FHIT: variants seen among roughly 807,000 people sequenced by gnomAD.
The protein encoded by FHIT is bis(5'-adenosyl)-triphosphatase.
Under a neutral mutation model 17.9 loss-of-function variants are expected in FHIT, and 19 were observed. The observed-to-expected ratio is 1.06, with a 90% CI of 0.74 to 1.56. The LOEUF is 1.56. FHIT is among the 40% of genes most tolerant of loss of function. The probability of loss-of-function intolerance (pLI) is 0.00; values close to 1 mark genes in which losing one functional copy is unlikely to be tolerated. For synonymous variants in FHIT, 81 were observed against 69.7 expected, an observed-to-expected ratio of 1.16 and a Z score of -0.81; for missense variants, 248 against 189.2, an observed-to-expected ratio of 1.31 and a Z score of -1.82.
At chr3:59,854,415 A>G (rs539209960) in intron 8 of FHIT, among the ~76,000 whole-genome samples, 1 of 152,330 alleles carries the variant, frequency 6.6e-6, no homozygotes, top group South Asian at 2.1e-4. Context: ...AAAGAGGTCA[A>G]GTTTCCCATC....
intron 2 of FHIT, among the ~76,000 whole-genome samples, chr3:61,059,854 G>A (rs1321774687): frequency 6.6e-6 from 1 of 152,212 alleles, no homozygotes; most frequent in Non-Finnish European, 1.5e-5. Context: ...TGGGGCCCCT[G>A]TCTATGTAGG....
At chr3:60,312,922 A>C (rs1709009526) in intron 5 of FHIT, among the ~76,000 whole-genome samples, 1 of 152,220 alleles carries the variant, frequency 6.6e-6, no homozygotes, top group Non-Finnish European at 1.5e-5. Context: ...GATGGTAATA[A>C]GAGCGCTGGT....
At chr3:60,187,321 G>A (rs1333515828) in intron 5 of FHIT, among the ~76,000 whole-genome samples, 2 of 152,158 alleles carry the variant, frequency 1.3e-5, no homozygotes, top group Admixed American at 6.6e-5. Flanking sequence ...GTTACCACAC[G>A]TAATACAGAA....
chr3:60,331,848 G>GA (rs34970290), intron 5 of FHIT, among the ~76,000 whole-genome samples: 60,057 of 140,784 alleles, frequency 0.43, 13,154 homozygotes, highest in South Asian at 0.63. Flanking sequence ...CTCTGTCTCG[G>GA]AAAAAAAAAA....
At chr3:60,232,438 G>A (rs1310965269) in intron 5 of FHIT, among the ~76,000 whole-genome samples, 2 of 152,070 alleles carry the variant, frequency 1.3e-5, no homozygotes, top group African/African-American at 4.8e-5. Context: ...GGGAAGTCTT[G>A]GTAAGTACAG....
At chr3:59,993,080 C>T (rs1194670789) in intron 7 of FHIT, among the ~76,000 whole-genome samples, 3 of 152,104 alleles carry the variant, frequency 2.0e-5, no homozygotes, top group Non-Finnish European at 2.9e-5. Context: ...TAGGCCATCT[C>T]CCTTTTCTCT....
In FHIT at chr3:60,631,409, CACTA is replaced by C. The variant is rs1339952944; in HGVS notation, c.-17-94434_-17-94431del. On this transcript the variant is annotated intron_variant, in intron 4 of 9. Transcript: ENST00000492590. ...TCTTTCCAGCACCTGAGCATTGTTTCACTAACTATTATTCTGATTTACATCTAGG... is the reference window on the plus strand; with the variant it reads ...TCTTTCCAGCACCTGAGCATTGTTTCACTATTATTCTGATTTACATCTAGG... Among the ~76,000 whole-genome samples the C allele has an allele frequency of 5.3e-5, 8 of 152,148 alleles. No individual in the cohort carries two copies. In the East Asian group the frequency reaches 9.6e-4, roughly 18 times the overall value.
intron 4 of FHIT, among the ~76,000 whole-genome samples, chr3:60,548,007 G>A (rs759383524): frequency 1.3e-5 from 2 of 151,984 alleles, no homozygotes; most frequent in Non-Finnish European, 2.9e-5. Context: ...AATCTCTTTT[G>A]GTATTGCCAA....
intron 8 of FHIT, among the ~76,000 whole-genome samples, chr3:59,819,349 C>G (rs141007458): frequency 2.2e-4 from 33 of 152,286 alleles, no homozygotes; most frequent in African/African-American, 7.9e-4. Flanking sequence ...CCCACAAATT[C>G]CTGATCTTAG....
chr3:60,929,148 T>C (rs1423645569), intron 3 of FHIT, among the ~76,000 whole-genome samples: 7 of 152,158 alleles, frequency 4.6e-5, no homozygotes, highest in African/African-American at 1.7e-4. Flanking sequence ...GAAAAGACCT[T>C]TGACAAAATT....
intron 3 of FHIT, among the ~76,000 whole-genome samples, chr3:60,871,765 C>T (rs1260520452): frequency 1.3e-5 from 2 of 152,082 alleles, no homozygotes; most frequent in Non-Finnish European, 2.9e-5. Context: ...TCCTGAGTAG[C>T]TAGAACTATA....
intron 5 of FHIT, among the ~76,000 whole-genome samples, chr3:60,378,202 A>G (rs1028607807): frequency 6.6e-6 from 1 of 151,278 alleles, no homozygotes; most frequent in Middle Eastern, 3.2e-3. Flanking sequence ...AATTTTTTGT[A>G]TTTTTAGTAG....
intron 4 of FHIT, among the ~76,000 whole-genome samples, chr3:60,592,201 C>G (rs1308898194): frequency 6.8e-6 from 1 of 146,656 alleles, no homozygotes; most frequent in Non-Finnish European, 1.5e-5. Flanking sequence ...TATATATTCT[C>G]TATATGTAAC....
chr3:60,443,177 A>AGAC (rs2031045924), intron 5 of FHIT, among the ~76,000 whole-genome samples: 2 of 152,184 alleles, frequency 1.3e-5, no homozygotes, highest in South Asian at 4.1e-4. Flanking sequence ...TTTTGGGCTG[A>AGAC]GACGATGGGG....
intron 3 of FHIT, among the ~76,000 whole-genome samples, chr3:60,842,645 A>ATTTT (rs1170383044): frequency 7.7e-4 from 73 of 94,536 alleles, no homozygotes; most frequent in African/African-American, 2.9e-3. Flanking sequence ...ATATATATAT[A>ATTTT]TTTTTTTTTT....
intron 5 of FHIT, among the ~76,000 whole-genome samples, chr3:60,461,203 T>C (rs889132305): frequency 8.9e-4 from 136 of 152,338 alleles, no homozygotes; most frequent in African/African-American, 3.1e-3. Context: ...TTATTAAATA[T>C]GTTATTCAGT....
chr3:60,587,369 AAG>A (rs1174163197), intron 4 of FHIT, among the ~76,000 whole-genome samples: 3 of 151,958 alleles, frequency 2.0e-5, no homozygotes, highest in African/African-American at 7.2e-5. Context: ...GGAGCAAGGG[AAG>A]AGAGAGCATT....
intron 5 of FHIT, among the ~76,000 whole-genome samples, chr3:60,258,286 A>G (rs1375367881): frequency 6.6e-6 from 1 of 152,124 alleles, no homozygotes; most frequent in African/African-American, 2.4e-5. Flanking sequence ...GCTCCCAGAA[A>G]ACCAGAATTA....
At chr3:60,276,221 C>T (rs950506200) in intron 5 of FHIT, among the ~76,000 whole-genome samples, 8 of 152,058 alleles carry the variant, frequency 5.3e-5, no homozygotes, top group Non-Finnish European at 7.4e-5. Flanking sequence ...CTCCTGACCT[C>T]GTGATCCGCC....
Sources: allele counts gnomAD v4.1 joint callset (sites outside exome capture counted in the v4.1 genomes callset), GRCh38; gene constraint gnomAD v4.1.1; transcripts MANE v1.5; gene names NCBI Gene and HGNC (gene_info 2026-07-23, HGNC 2026-07-21).